The following FANCI variants were observed in gnomAD, a reference collection of about 807,000 sequenced individuals.
The protein encoded by FANCI is FA complementation group I, also known as Fanconi anemia group I protein.
A neutral mutation model predicts 176.1 loss-of-function variants in FANCI; 156 were observed. The observed-to-expected ratio is 0.89, with a 90% CI of 0.78 to 1.01. FANCI has a LOEUF of 1.01. Ranked by LOEUF, FANCI falls within the 50% of genes least tolerant of loss-of-function variation. The pLI is 0.00. For synonymous variants in FANCI, 613 were observed against 541.7 expected, an observed-to-expected ratio of 1.13 and a Z score of -1.83; for missense variants, 1,678 against 1,534.1, an observed-to-expected ratio of 1.09 and a Z score of -1.57.
intron 17 of FANCI, among the ~76,000 whole-genome samples, chr15:89,284,659 G>A (rs750811183): frequency 6.6e-6 from 1 of 152,204 alleles, no homozygotes; most frequent in African/African-American, 2.4e-5. Context: ...CACAAAGGAT[G>A]TCAGTTCTTT....
At chr15:89,298,989 G>T (rs2054422834) in intron 24 of FANCI, among the ~76,000 whole-genome samples, 2 of 151,902 alleles carry the variant, frequency 1.3e-5, no homozygotes, top group Admixed American at 1.3e-4. Context: ...TGGCCAACAT[G>T]GTGAAACCCC....
At position 89,301,413 on chromosome 15, in the gene FANCI, T is replaced by A. The variant is rs1194951081; in HGVS notation, c.2977T>A (p.Ser993Thr). The A allele has an allele frequency of 5.6e-6, 9 of 1,614,134 alleles. No individual in the cohort carries two copies. Among genetic ancestry groups the A allele is most frequent in the Non-Finnish European group, 1.7e-6 (2 of 1,179,944 alleles). Residue 993 changes from serine to threonine, a missense_variant, in exon 27 of 38, where the codon TCC (serine) becomes ACC (threonine). Transcript: ENST00000310775. Reference sequence around the variant, plus strand: ...GCTAGTCACGGTTCTTACCAGTTTGTCCAAGTTACTGGAGCCCTCCTCTCC... The same window carrying A: ...GCTAGTCACGGTTCTTACCAGTTTGACCAAGTTACTGGAGCCCTCCTCTCC... The part of the protein sequence containing the change: ...LLLVTVLTSL[S>T]KLLEPSSPQF...
At position 89,273,440 on chromosome 15, in the gene FANCI, G is replaced by A. The variant is rs141073698; in HGVS notation, c.946G>A (p.Val316Ile). Residue 316 changes from valine (V) to isoleucine (I), a missense_variant, in exon 11 of 38, where the codon GTA (valine) becomes ATA (isoleucine). By Grantham distance (29) the Val-to-Ile change is conservative. Coordinates refer to ENST00000310775, the MANE Select transcript of FANCI (RefSeq NM_001113378.2). ...SPFSIALLLS[V>I]TRIQRFQDQV... ...CTTCAGCATTGCTCTTCTTCTGTCT[G>A]TAACAAGAATACAAAGATTTCAGGA... The A allele has an allele frequency of 6.3e-6, 10 of 1,575,494 alleles. No individual in the cohort carries two copies. In the African/African-American group the frequency reaches 1.3e-4, roughly 20 times the overall value.
chr15:89,305,939 T>C, intron 31 of FANCI, 68 bp from the exon 32 acceptor site: 1 of 1,532,000 alleles, frequency 6.5e-7, no homozygotes, highest in Non-Finnish European at 9.0e-7. Context: ...AATCAATTTC[T>C]AAATCTCCTT....
At chr15:89,294,140 C>G (rs1474787313) in intron 23 of FANCI, 143 bp downstream of exon 23, 2 of 931,004 alleles carry the variant, frequency 2.1e-6, no homozygotes, top group Non-Finnish European at 3.4e-6. Flanking sequence ...AAAAGCTGGA[C>G]AATCCTAGGT....
chr15:89,270,333 C>T (rs1281906891), intron 10 of FANCI, among the ~76,000 whole-genome samples: 2 of 152,142 alleles, frequency 1.3e-5, no homozygotes, highest in Non-Finnish European at 2.9e-5. Context: ...TGATTTTCTT[C>T]ATTTATAGGT....
chr15:89,244,012 T>G lies in FANCI; in HGVS notation c.-41T>G, dbSNP rs1009715794. The G allele has an allele frequency of 2.6e-5, 4 of 152,516 alleles. No individual in the cohort carries two copies. The highest frequency in any genetic ancestry group is 5.9e-5 in the Non-Finnish European group (4 of 68,324). 9.4% of individuals were successfully genotyped at this position (152,516 alleles called of 1,614,324 possible). A position where few individuals can be genotyped will look rare whatever the true frequency, so the allele number is the denominator to read the frequency against. Reference sequence around the variant, plus strand: ...TGTGGCGGCGTTGGGTTGAGCGGGCTTTTTGGAAGTTTGTGGCGGAGGTGA... The same window carrying G: ...TGTGGCGGCGTTGGGTTGAGCGGGCGTTTTGGAAGTTTGTGGCGGAGGTGA... On this transcript the variant is annotated 5_prime_UTR_variant, in exon 1 of 38. Coordinates refer to ENST00000310775, the MANE Select transcript of FANCI (RefSeq NM_001113378.2).
intron 36 of FANCI, 62 bp from the exon 37 acceptor site, chr15:89,315,220 T>G (rs1028284430): frequency 4.2e-5 from 53 of 1,272,814 alleles, no homozygotes; most frequent in Admixed American, 1.7e-5. Context: ...TAAAAATGGC[T>G]TAAGCTGTTC....
chr15:89,305,804 C>T (rs1276828039), intron 31 of FANCI, 106 bp downstream of exon 31: 2 of 1,266,240 alleles, frequency 1.6e-6, no homozygotes, highest in Non-Finnish European at 2.3e-6. Context: ...TTCTTATTTG[C>T]CTTTAAGCTA....
At chr15:89,285,793 C>T (rs1400934684) in intron 18 of FANCI, among the ~76,000 whole-genome samples, 3 of 152,210 alleles carry the variant, frequency 2.0e-5, no homozygotes, top group South Asian at 4.1e-4. Flanking sequence ...AACCCATACC[C>T]TTAATTTATT....
chr15:89,247,813 T>TA (rs2052055714), intron 2 of FANCI, 82 bp downstream of exon 2: 4 of 1,137,324 alleles, frequency 3.5e-6, no homozygotes, highest in Admixed American at 1.7e-5. Context: ...AAAGAAAAAT[T>TA]ACGCTGCTTC....
chr15:89,314,578 C>A (rs758665789), intron 35 of FANCI, 34 bp from the exon 36 acceptor site: 4 of 1,517,090 alleles, frequency 2.6e-6, no homozygotes, highest in Non-Finnish European at 3.7e-6. Context: ...AACCATTGAA[C>A]CTGAAATTTA....
At chr15:89,315,858 C>T (rs2055221539) in intron 37 of FANCI, among the ~76,000 whole-genome samples, 1 of 152,212 alleles carries the variant, frequency 6.6e-6, no homozygotes, top group South Asian at 2.1e-4. Context: ...ACCGCATCCC[C>T]ATCCCTGCAC....
intron 2 of FANCI, among the ~76,000 whole-genome samples, chr15:89,253,512 AAAATAAATAAAT>A (rs10691127): frequency 0.33 from 45,053 of 138,516 alleles, 8,183 homozygotes; most frequent in Non-Finnish European, 0.39. Flanking sequence ...CTGTCTCTTA[AAAATAAATAAAT>A]AAATAAATAA....
chr15:89,280,408 T>G (rs1199372795), intron 14 of FANCI, among the ~76,000 whole-genome samples: 1 of 152,200 alleles, frequency 6.6e-6, no homozygotes, highest in African/African-American at 2.4e-5. Context: ...TTATTTACTT[T>G]CCTGGATTCT....
At position 89,264,005 on chromosome 15, in the gene FANCI, G is replaced by T. The variant is rs1432673800; in HGVS notation, c.648G>T (p.Gln216His). The T allele has an allele frequency of 6.2e-7, 1 of 1,614,046 alleles. No homozygotes were observed. Among genetic ancestry groups the T allele is most frequent in the South Asian group, 1.1e-5 (1 of 91,076 alleles). ...NLQEIPPLVYQLLVLSSKGSR... is the reference protein window; with the variant it reads ...NLQEIPPLVYHLLVLSSKGSR... ...AAGAAATACCACCTTTGGTCTATCA[G>T]CTTCTGGTTCTCTCCTCCAAGGTAC... The change falls in exon 8 of 38, where the codon CAG (glutamine) becomes CAT (histidine). Residue 216 changes from glutamine (Q) to histidine (H), a missense_variant. Transcript: ENST00000310775.
At chr15:89,263,307 G>A (rs766346272) in intron 6 of FANCI, 112 bp from the exon 7 acceptor site, 42 of 798,670 alleles carry the variant, frequency 5.3e-5, no homozygotes, top group Non-Finnish European at 7.5e-5. Flanking sequence ...CTTGTTTCTC[G>A]GTATTGCAAA....
chr15:89,253,535 A>G (rs201417195), intron 2 of FANCI, among the ~76,000 whole-genome samples: 1 of 103,868 alleles, frequency 9.6e-6, no homozygotes, highest in South Asian at 2.9e-4. Context: ...AAATAAATAA[A>G]TAAATAAATA....
intron 7 of FANCI, 73 bp downstream of exon 7, chr15:89,263,533 C>G (rs2052806817): frequency 8.4e-7 from 1 of 1,192,304 alleles, no homozygotes; most frequent in Admixed American, 1.7e-5. Flanking sequence ...TAAACTATAG[C>G]AAACGTAAAC....
Sources: allele counts gnomAD v4.1 joint callset (sites outside exome capture counted in the v4.1 genomes callset), GRCh38; gene constraint gnomAD v4.1.1; transcripts MANE v1.5; gene names NCBI Gene and HGNC (gene_info 2026-07-23, HGNC 2026-07-21).